USP14: variants seen among roughly 807,000 people sequenced by gnomAD.
The protein encoded by USP14 is ubiquitin carboxyl-terminal hydrolase 14.
A neutral mutation model predicts 76.5 loss-of-function variants in USP14; 38 were observed. That is an observed-to-expected ratio of 0.50 (90% CI 0.38 to 0.65). USP14 has a LOEUF of 0.65. USP14 is among the 30% of genes least tolerant of loss of function. The pLI, the probability that USP14 is intolerant of heterozygous loss-of-function variation, is 0.00. For missense variants in USP14, 467 were observed against 586.5 expected, an observed-to-expected ratio of 0.80 and a Z score of 2.10; for synonymous variants, 192 against 191.7, an observed-to-expected ratio of 1.00 and a Z score of -0.01.
chr18:168,206 G>T (rs558060286), intron 3 of USP14, among the ~76,000 whole-genome samples: 2 of 152,092 alleles, frequency 1.3e-5, no homozygotes, highest in African/African-American at 4.8e-5. Context: ...GATTACAGGC[G>T]TGAGCCACCG....
At chr18:202,758 G>T (rs768971826) in intron 10 of USP14, 122 bp from the exon 11 acceptor site, 21 of 819,524 alleles carry the variant, frequency 2.6e-5, no homozygotes, top group Non-Finnish European at 3.7e-5. Context: ...TAAACCCATT[G>T]ATGTACTGTA....
intron 2 of USP14, 28 bp downstream of exon 2, chr18:163,481 A>G (rs1909182396): frequency 6.3e-7 from 1 of 1,589,376 alleles, no homozygotes; most frequent in Non-Finnish European, 8.6e-7. Flanking sequence ...TTTTCATCAC[A>G]TTACTATTAT....
intron 2 of USP14, among the ~76,000 whole-genome samples, chr18:166,455 C>T (rs1909273091): frequency 1.3e-5 from 2 of 152,014 alleles, no homozygotes; most frequent in South Asian, 4.1e-4. Flanking sequence ...GTCTCAGCCT[C>T]CCGAGTAGCT....
Position 199,107 on chromosome 18 carries a change from TATTA to T in USP14, c.762-91_762-88del, listed in dbSNP as rs1054191444. ...GGTTTTAAATGCCAATGAATGATAC[TATTA>T]ATTTTAATGGAATTAGGATAATGTA... On this transcript the variant is annotated intron_variant, in intron 9 of 15. Transcript: ENST00000261601. 6.6e-5 allele frequency: 48 copies of T among 731,868 alleles called. No homozygotes were observed. In the African/African-American group the frequency reaches 8.6e-4, roughly 13 times the overall value. 45.3% of individuals were successfully genotyped at this position (731,868 alleles called of 1,614,324 possible).
At chr18:182,634 C>T (rs939132490) in intron 5 of USP14, among the ~76,000 whole-genome samples, 4 of 152,132 alleles carry the variant, frequency 2.6e-5, no homozygotes, top group African/African-American at 9.7e-5. Context: ...TTCAGAACTG[C>T]TTTGATGGGA....
At chr18:195,989 A>G (rs142746853) in intron 6 of USP14, among the ~76,000 whole-genome samples, 1 of 150,670 alleles carries the variant, frequency 6.6e-6, no homozygotes, top group South Asian at 2.1e-4. Context: ...TTTTTTTCTT[A>G]TTGAGAGTCC....
At chr18:207,507 T>C (rs1239323336) in intron 13 of USP14, among the ~76,000 whole-genome samples, 2 of 144,352 alleles carry the variant, frequency 1.4e-5, no homozygotes, top group Non-Finnish European at 3.1e-5. Flanking sequence ...GGCAAAACCC[T>C]GTCTCCACAA....
chr18:167,209 G>A (rs573650320), intron 3 of USP14, among the ~76,000 whole-genome samples: 1 of 152,250 alleles, frequency 6.6e-6, no homozygotes, highest in Admixed American at 6.5e-5. Flanking sequence ...TTGAACCTGG[G>A]AGGCGGAGAT....
At chr18:167,934 CTT>C (rs34207469) in intron 3 of USP14, among the ~76,000 whole-genome samples, 49 of 116,078 alleles carry the variant, frequency 4.2e-4, no homozygotes, top group Middle Eastern at 0.012. Flanking sequence ...ATTTTTCTCT[CTT>C]TTTTTTTTTT....
At chr18:175,088 T>C (rs1254325713) in intron 3 of USP14, among the ~76,000 whole-genome samples, 1 of 152,168 alleles carries the variant, frequency 6.6e-6, no homozygotes, top group East Asian at 1.9e-4. Context: ...GTTTTTGAAA[T>C]GTCATTTTCC....
intron 5 of USP14, among the ~76,000 whole-genome samples, chr18:186,534 C>G (rs1453686180): frequency 6.6e-6 from 1 of 152,022 alleles, no homozygotes; most frequent in Non-Finnish European, 1.5e-5. Context: ...GGGCAGATCA[C>G]CGAAGGTCAG....
chr18:181,295 A>T (rs1331831343), intron 5 of USP14, among the ~76,000 whole-genome samples: 1 of 152,142 alleles, frequency 6.6e-6, no homozygotes. Flanking sequence ...TTCCAAAGTG[A>T]CGGTACCATT....
chr18:198,853 A>T (rs1165371156), intron 9 of USP14, among the ~76,000 whole-genome samples: 2 of 152,212 alleles, frequency 1.3e-5, no homozygotes, highest in African/African-American at 4.8e-5. Context: ...TAAAACATGA[A>T]TCAGGAAAGT....
intron 5 of USP14, among the ~76,000 whole-genome samples, chr18:185,178 G>A (rs779504578): frequency 2.7e-5 from 4 of 149,406 alleles, no homozygotes; most frequent in Non-Finnish European, 4.4e-5. Flanking sequence ...ATTTATTTTC[G>A]AGACAGAGTC....
At chr18:159,140 T>G in intron 1 of USP14, 1 of 172,078 alleles carries the variant, frequency 5.8e-6, no homozygotes. Flanking sequence ...CTTCTTGGGG[T>G]TGCCAAGCGG....
At chr18:195,459 A>G (rs1319492013) in intron 6 of USP14, among the ~76,000 whole-genome samples, 3 of 152,194 alleles carry the variant, frequency 2.0e-5, no homozygotes, top group Non-Finnish European at 4.4e-5. Flanking sequence ...ATACAAGTTG[A>G]GATAAGCTAG....
At chr18:192,296 G>A (rs1316178802) in intron 5 of USP14, among the ~76,000 whole-genome samples, 3 of 152,198 alleles carry the variant, frequency 2.0e-5, no homozygotes, top group Non-Finnish European at 4.4e-5. Flanking sequence ...GGGTACAGTG[G>A]CTCATGCCTG....
At chr18:166,352 A>C (rs1166425667) in intron 2 of USP14, among the ~76,000 whole-genome samples, 1 of 151,422 alleles carries the variant, frequency 6.6e-6, no homozygotes, top group Non-Finnish European at 1.5e-5. Flanking sequence ...TTTTTTTTTG[A>C]GATGGAGCCT....
At chr18:180,589 C>A (rs938797994) in intron 5 of USP14, among the ~76,000 whole-genome samples, 1 of 152,214 alleles carries the variant, frequency 6.6e-6, no homozygotes, top group African/African-American at 2.4e-5. Flanking sequence ...TTAACCCCTT[C>A]ACCCACCTCT....
Sources: gnomAD v4.1 joint callset for allele counts (sites outside exome capture counted in the v4.1 genomes callset) on GRCh38, gnomAD v4.1.1 for gene constraint, MANE v1.5 for transcripts, NCBI Gene and HGNC (gene_info 2026-07-23, HGNC 2026-07-21) for gene names.